ERAP1: variants seen among roughly 807,000 people sequenced by gnomAD.
ERAP1 encodes adipocyte-derived leucine aminopeptidase.
Under a neutral mutation model 103.7 loss-of-function variants are expected in ERAP1, and 86 were observed. The ratio of observed to expected loss-of-function variants is 0.83; its 90% CI spans 0.70 to 0.99. The LOEUF is 0.99. ERAP1 is among the 50% of genes least tolerant of loss of function. ERAP1 has a pLI of 0.00. For synonymous variants in ERAP1, 398 were observed against 402.4 expected, an observed-to-expected ratio of 0.99 and a Z score of 0.13; for missense variants, 1,009 against 1,128.4, an observed-to-expected ratio of 0.89 and a Z score of 1.52.
intron 5 of ERAP1, 115 bp from the exon 6 acceptor site, chr5:96,794,072 C>T: frequency 2.0e-6 from 2 of 1,008,490 alleles, no homozygotes; most frequent in South Asian, 2.7e-5. Context: ...AATCATGGAG[C>T]TCTAGACTGG....
intron 18 of ERAP1, chr5:96,776,875 C>T (rs1774401497): frequency 4.0e-6 from 1 of 251,528 alleles, no homozygotes; most frequent in East Asian, 9.6e-5. Context: ...CAGATGCAAA[C>T]TTCGTTTTTT....
the ERAP1 span, among the ~76,000 whole-genome samples, chr5:96,906,071 A>C: frequency 6.6e-6 from 1 of 151,276 alleles, no homozygotes; most frequent in Non-Finnish European, 1.5e-5. Context: ...CACCACACCC[A>C]GTGTAAATCA....
At chr5:96,889,454 T>C in the ERAP1 span, 8 of 869,000 alleles carry the variant, frequency 9.2e-6, no homozygotes, top group African/African-American at 1.3e-4. Context: ...GAGATGATTC[T>C]TGAGTGTAGA....
intron 1 of ERAP1, among the ~76,000 whole-genome samples, chr5:96,807,543 C>T (rs923590484): frequency 5.3e-5 from 8 of 152,134 alleles, no homozygotes; most frequent in African/African-American, 1.7e-4. Context: ...GAAGCAGGCG[C>T]ACCGGCCACG....
rs1777418278 is a variant in ERAP1, at chr5:96,797,034, C to A, written c.798+141G>T. 4 of 925,450 alleles carry A rather than the reference C, an allele frequency of 4.3e-6. No individual in the cohort carries two copies. In the Admixed American group the frequency reaches 8.1e-5, roughly 19 times the overall value. 57.3% of individuals were successfully genotyped at this position (925,450 alleles called of 1,614,324 possible). On this transcript the variant is annotated intron_variant, in intron 4 of 18. Coordinates refer to ENST00000443439, the MANE Select transcript of ERAP1 (RefSeq NM_001040458.3). Reference sequence around the variant, plus strand: ...AAACCCCTGGCCTCAAGTGATTCTTCCACCTCAGCCTCCCAAACTGTTGGG... The same window carrying A: ...AAACCCCTGGCCTCAAGTGATTCTTACACCTCAGCCTCCCAAACTGTTGGG...
chr5:96,775,938 G>T lies in ERAP1; in HGVS notation c.*458C>A. Reference sequence around the variant, plus strand: ...GAGCAAGGAAGAGGGATGGGCAGCGGGTCTGGAGGGGTGAGCCGGGAGAGC... The same window carrying T: ...GAGCAAGGAAGAGGGATGGGCAGCGTGTCTGGAGGGGTGAGCCGGGAGAGC... On this transcript the variant is annotated 3_prime_UTR_variant, in exon 19 of 19. Coordinates refer to ENST00000443439, the MANE Select transcript of ERAP1 (RefSeq NM_001040458.3). 1 of 1,036,666 alleles carries T rather than the reference G, an allele frequency of 9.6e-7. No individual in the cohort carries two copies. Among genetic ancestry groups the T allele is most frequent in the Non-Finnish European group, 1.2e-6 (1 of 858,524 alleles). The allele number at this position is 1,036,666 out of a possible 1,614,324, so 64.2% of individuals were successfully genotyped here.
At chr5:96,856,339 AAAAAAAAAAAATAT>A in the ERAP1 span, among the ~76,000 whole-genome samples, 1 of 20,134 alleles carries the variant, frequency 5.0e-5, no homozygotes, top group Non-Finnish European at 1.4e-4. Context: ...AAAAAAAAAA[AAAAAAAAAAAATAT>A]ATATATATAT....
the ERAP1 span, among the ~76,000 whole-genome samples, chr5:96,932,061 G>A: frequency 6.6e-6 from 1 of 152,084 alleles, no homozygotes; most frequent in Non-Finnish European, 1.5e-5. Context: ...TAATGCCTAA[G>A]CTCTACTTGA....
At chr5:96,869,065 C>T in the ERAP1 span, among the ~76,000 whole-genome samples, 3 of 151,602 alleles carry the variant, frequency 2.0e-5, no homozygotes, top group Non-Finnish European at 2.9e-5. Context: ...ACACTTGTTA[C>T]CACTAGATGA....
At chr5:96,814,366 G>A in the ERAP1 span, 3 of 455,512 alleles carry the variant, frequency 6.6e-6, no homozygotes, top group African/African-American at 2.0e-5. Flanking sequence ...GGATCATGGG[G>A]GCAACTTAGA....
intron 10 of ERAP1, among the ~76,000 whole-genome samples, chr5:96,789,760 C>G (rs969383089): frequency 2.0e-5 from 3 of 152,196 alleles, no homozygotes; most frequent in Non-Finnish European, 2.9e-5. Context: ...GATCTAAATT[C>G]AGATCTCTGC....
chr5:96,883,436 C>T, the ERAP1 span, among the ~76,000 whole-genome samples: 1 of 152,122 alleles, frequency 6.6e-6, no homozygotes, highest in Non-Finnish European at 1.5e-5. Context: ...CATTTAATTT[C>T]CTAGTGAATT....
chr5:96,778,518 G>GAGAGTTA (rs1774681447), intron 18 of ERAP1, among the ~76,000 whole-genome samples: 1 of 152,186 alleles, frequency 6.6e-6, no homozygotes, highest in Non-Finnish European at 1.5e-5. Flanking sequence ...AGTGGCTACA[G>GAGAGTTA]TGTTATGAGA....
At chr5:96,816,342 T>C in the ERAP1 span, among the ~76,000 whole-genome samples, 1 of 152,160 alleles carries the variant, frequency 6.6e-6, no homozygotes, top group Non-Finnish European at 1.5e-5. Flanking sequence ...AGTTAGGGGC[T>C]GGATAGGCAG....
chr5:96,879,666 T>G, the ERAP1 span: 4 of 1,603,508 alleles, frequency 2.5e-6, no homozygotes, highest in Admixed American at 1.7e-5. Flanking sequence ...TATTAACTTG[T>G]CTTCTAGAGA....
the ERAP1 span, among the ~76,000 whole-genome samples, chr5:96,912,394 G>C: frequency 3.3e-5 from 5 of 151,620 alleles, no homozygotes; most frequent in South Asian, 1.0e-3. Context: ...CCTCAGAGTA[G>C]GTTAAAATTT....
chr5:96,864,805 G>A, the ERAP1 span, among the ~76,000 whole-genome samples: 1 of 151,878 alleles, frequency 6.6e-6, no homozygotes, highest in East Asian at 1.9e-4. Flanking sequence ...GTTGAAAAGG[G>A]AACAATACTT....
At chr5:96,792,795 G>A (rs1776885060) in intron 7 of ERAP1, among the ~76,000 whole-genome samples, 1 of 152,116 alleles carries the variant, frequency 6.6e-6, no homozygotes, top group Admixed American at 6.5e-5. Flanking sequence ...TTTAAATAAT[G>A]TATACAGGCA....
chr5:96,799,495 T>C (rs1336463198), intron 3 of ERAP1, among the ~76,000 whole-genome samples: 1 of 152,192 alleles, frequency 6.6e-6, no homozygotes, highest in African/African-American at 2.4e-5. Flanking sequence ...GGATCCTGGA[T>C]ATCCATGGAT....
Sources: allele counts gnomAD v4.1 joint callset (sites outside exome capture counted in the v4.1 genomes callset), GRCh38; gene constraint gnomAD v4.1.1; transcripts MANE v1.5; gene names NCBI Gene and HGNC (gene_info 2026-07-23, HGNC 2026-07-21).